PREX2: variants seen among roughly 807,000 people sequenced by gnomAD.
PREX2 encodes phosphatidylinositol 3,4,5-trisphosphate-dependent Rac exchanger 2 protein.
Under a neutral mutation model 203.2 loss-of-function variants are expected in PREX2, and 107 were observed. That is an observed-to-expected ratio of 0.53 (90% confidence interval 0.45 to 0.62). The LOEUF is 0.62. Among genes scored for constraint, PREX2 ranks in the 20% least tolerant of loss-of-function variants. PREX2 has a pLI of 0.00. For missense variants in PREX2, 1,777 were observed against 1,955.9 expected, an observed-to-expected ratio of 0.91 and a Z score of 1.72; for synonymous variants, 672 against 663.6, an observed-to-expected ratio of 1.01 and a Z score of -0.19.
chr8:68,129,027 G>C (rs1810951243), intron 31 of PREX2, among the ~76,000 whole-genome samples: 1 of 152,078 alleles, frequency 6.6e-6, no homozygotes, highest in South Asian at 2.1e-4. Flanking sequence ...ACAATTCATG[G>C]ACCTCATTTT....
intron 4 of PREX2, 102 bp downstream of exon 4, chr8:68,022,242 T>C (rs1807591059): frequency 3.1e-6 from 2 of 648,780 alleles, no homozygotes; most frequent in Middle Eastern, 2.6e-4. Flanking sequence ...GTGGGATACC[T>C]CTGTTAGCAT....
Position 67,974,905 on chromosome 8 carries a change from A to C in PREX2, c.141+22370A>C, listed in dbSNP as rs550321299. 2.6e-5 allele frequency among the ~76,000 whole-genome samples: 4 copies of C among 152,286 alleles called. No individual in the cohort carries two copies. The East Asian group carries it at 7.7e-4, about 29-fold the overall frequency. On this transcript the variant is annotated intron_variant, in intron 1 of 39. Transcript: ENST00000288368. Reference sequence around the variant, plus strand: ...GTTGTAAGACCATGTAGGAAAATGGACAGTTTTTGTGTGCACATCCAGTCT... The same window carrying C: ...GTTGTAAGACCATGTAGGAAAATGGCCAGTTTTTGTGTGCACATCCAGTCT...
At chr8:68,007,912 A>G (rs1203658368) in intron 1 of PREX2, among the ~76,000 whole-genome samples, 1 of 152,184 alleles carries the variant, frequency 6.6e-6, no homozygotes, top group African/African-American at 2.4e-5. Flanking sequence ...CCCGGCCCTC[A>G]GTTACTTCAC....
intron 1 of PREX2, among the ~76,000 whole-genome samples, chr8:67,982,988 T>A (rs985472922): frequency 2.6e-5 from 4 of 152,244 alleles, no homozygotes; most frequent in African/African-American, 9.6e-5. Context: ...GGTCCTCAAA[T>A]CTTTATTTGA....
intron 8 of PREX2, among the ~76,000 whole-genome samples, chr8:68,045,517 A>G (rs553268548): frequency 6.6e-6 from 1 of 152,190 alleles, no homozygotes; most frequent in African/African-American, 2.4e-5. Flanking sequence ...CCTGTAGGCA[A>G]TTTCTCAATA....
intron 35 of PREX2, among the ~76,000 whole-genome samples, chr8:68,180,452 T>C (rs1473340140): frequency 6.6e-6 from 1 of 152,156 alleles, no homozygotes; most frequent in African/African-American, 2.4e-5. Context: ...AACAAATAAG[T>C]GAATACACAA....
intron 1 of PREX2, among the ~76,000 whole-genome samples, chr8:67,976,185 C>G (rs1806079462): frequency 1.3e-5 from 2 of 152,136 alleles, no homozygotes; most frequent in South Asian, 4.2e-4. Flanking sequence ...CTGAAACTTG[C>G]AATTGACCAA....
At chr8:68,134,361 TTCCCGC>T (rs1461871064) in intron 32 of PREX2, 85 bp downstream of exon 32, 24 of 1,070,580 alleles carry the variant, frequency 2.2e-5, no homozygotes, top group Non-Finnish European at 3.3e-5. Flanking sequence ...AGTTATTTCT[TTCCCGC>T]TGGTTATCTC....
At chr8:68,000,781 C>G (rs937429972) in intron 1 of PREX2, among the ~76,000 whole-genome samples, 1 of 152,062 alleles carries the variant, frequency 6.6e-6, no homozygotes, top group South Asian at 2.1e-4. Flanking sequence ...ATAAAGAGCC[C>G]AGAAATAAGG....
intron 19 of PREX2, among the ~76,000 whole-genome samples, chr8:68,088,383 A>C (rs1226234725): frequency 2.0e-5 from 3 of 152,238 alleles, no homozygotes; most frequent in Non-Finnish European, 4.4e-5. Flanking sequence ...AATTGAAGGA[A>C]ATAACTGTCA....
In PREX2 at chr8:68,027,339, C is replaced by T. The variant is rs1466828947; in HGVS notation, c.543+16C>T. 2.1e-6 allele frequency: 3 copies of T among 1,444,612 alleles called. No homozygotes were observed. Among genetic ancestry groups the T allele is most frequent in the Non-Finnish European group, 2.9e-6 (3 of 1,027,968 alleles). The allele number at this position is 1,444,612 out of a possible 1,614,324, so 89.5% of individuals were successfully genotyped here. A position where few individuals can be genotyped will look rare whatever the true frequency, so the allele number is the denominator to read the frequency against. On this transcript the variant is annotated intron_variant, in intron 5 of 39. Transcript: ENST00000288368. ...TATTTTGAAGGTATTTTATGTGCTA[C>T]CTCATTGTAGCCATTTTCTTGTATC... is the stretch of plus-strand genomic sequence containing the variant.
At chr8:68,077,011 T>G (rs900830149) in intron 14 of PREX2, among the ~76,000 whole-genome samples, 1 of 152,192 alleles carries the variant, frequency 6.6e-6, no homozygotes, top group Admixed American at 6.5e-5. Flanking sequence ...AGGTCATACA[T>G]AATGATTGTT....
chr8:67,962,166 T>A (rs1427845967), intron 1 of PREX2, among the ~76,000 whole-genome samples: 1 of 152,232 alleles, frequency 6.6e-6, no homozygotes, highest in South Asian at 2.1e-4. Flanking sequence ...TTAAGTTGCC[T>A]TCTTGCCAGT....
At chr8:67,999,375 T>G (rs1028157819) in intron 1 of PREX2, among the ~76,000 whole-genome samples, 1 of 149,692 alleles carries the variant, frequency 6.7e-6, no homozygotes, top group African/African-American at 2.5e-5. Context: ...GATAAATTCT[T>G]GGACACACCT....
intron 1 of PREX2, among the ~76,000 whole-genome samples, chr8:67,978,959 TTACAC>T (rs1316535225): frequency 2.0e-5 from 3 of 151,954 alleles, no homozygotes; most frequent in East Asian, 1.9e-4. Context: ...ATCATGCACT[TTACAC>T]TACAGTATGT....
At chr8:68,038,114 T>G in intron 6 of PREX2, 45 bp from the exon 7 acceptor site, 1 of 1,577,884 alleles carries the variant, frequency 6.3e-7, no homozygotes, top group Non-Finnish European at 8.6e-7. Context: ...TTTACAGAAG[T>G]GTCAACCAAG....
At chr8:68,042,845 G>A (rs575024464) in intron 7 of PREX2, among the ~76,000 whole-genome samples, 14 of 152,044 alleles carry the variant, frequency 9.2e-5, no homozygotes, top group African/African-American at 3.4e-4. Flanking sequence ...AATATCTGCA[G>A]CCTAAGAGAA....
chr8:68,177,644 T>G (rs183413270), intron 35 of PREX2, among the ~76,000 whole-genome samples: 29 of 152,324 alleles, frequency 1.9e-4, no homozygotes, highest in Non-Finnish European at 3.4e-4. Context: ...AACTTTTATT[T>G]TAAATTCTGG....
chr8:68,086,777 A>C (rs1585774428), intron 18 of PREX2, among the ~76,000 whole-genome samples: 1 of 152,132 alleles, frequency 6.6e-6, no homozygotes, highest in East Asian at 1.9e-4. Flanking sequence ...ATTCATTGGA[A>C]TGATTTCTTC....
Sources: allele counts gnomAD v4.1 joint callset (sites outside exome capture counted in the v4.1 genomes callset), GRCh38; gene constraint gnomAD v4.1.1; transcripts MANE v1.5; gene names NCBI Gene and HGNC (gene_info 2026-07-23, HGNC 2026-07-21).